NKAIN3: variants seen among roughly 807,000 people sequenced by gnomAD.
NKAIN3 encodes sodium/potassium-transporting ATPase subunit beta-1-interacting protein 3.
Under a neutral mutation model 30.2 loss-of-function variants are expected in NKAIN3, and 25 were observed. The ratio of observed to expected loss-of-function variants is 0.83; its 90% CI spans 0.60 to 1.16. The LOEUF is 1.16. NKAIN3 is among the 50% of genes most tolerant of loss of function. NKAIN3 has a pLI of 0.00. For missense variants in NKAIN3, 225 were observed against 254.1 expected (o/e 0.89, Z 0.78); for synonymous variants, 91 against 89.6 (o/e 1.02, Z -0.09).
Position 62,968,273 on chromosome 8 carries a change from C to T in NKAIN3, c.*2866C>T, listed in dbSNP as rs1823755884. Among the ~76,000 whole-genome samples, 1 of 152,094 alleles carries T rather than the reference C, an allele frequency of 6.6e-6. No homozygotes were observed. The highest frequency in any genetic ancestry group is 2.4e-5 in the African/African-American group (1 of 41,414). On this transcript the variant is annotated 3_prime_UTR_variant, in exon 7 of 7. Transcript: ENST00000623646. ...TGTACAGTAATACTTGGCAATTACC[C>T]GTTAATCTGGGTAATTCCAATGAAG...
rs545250007 is a variant in NKAIN3, at chr8:62,975,573, G to A, written c.*10166G>A. On this transcript the variant is annotated 3_prime_UTR_variant, in exon 7 of 7. Coordinates refer to ENST00000623646, the MANE Select transcript of NKAIN3 (RefSeq NM_001304533.3). ...CCCTCTTTTCTTCTTTATTAGCCTG[G>A]CTAGCCATCTAAGTATTTTGTTAAT... 2.0e-4 allele frequency among the ~76,000 whole-genome samples: 30 copies of A among 152,066 alleles called. No homozygotes were observed. Among genetic ancestry groups the A allele is most frequent in the African/African-American group, 7.0e-4 (29 of 41,490 alleles).
At chr8:62,400,492 A>G (rs1181464342) in intron 1 of NKAIN3, among the ~76,000 whole-genome samples, 1 of 151,984 alleles carries the variant, frequency 6.6e-6, no homozygotes. Flanking sequence ...TTTTCTAGAA[A>G]TCGGATGTTT....
At chr8:62,576,746 G>A (rs1810121420) in intron 1 of NKAIN3, among the ~76,000 whole-genome samples, 1 of 152,046 alleles carries the variant, frequency 6.6e-6, no homozygotes, top group African/African-American at 2.4e-5. Flanking sequence ...GATGCCTCCT[G>A]CCCCCTCAAC....
intron 3 of NKAIN3, among the ~76,000 whole-genome samples, chr8:62,604,309 C>T (rs1563479695): frequency 6.6e-6 from 1 of 152,082 alleles, no homozygotes; most frequent in Non-Finnish European, 1.5e-5. Flanking sequence ...CTTTGGAAGC[C>T]CTCAGCATTG....
chr8:62,402,477 T>A (rs1012236452), intron 1 of NKAIN3, among the ~76,000 whole-genome samples: 26 of 152,180 alleles, frequency 1.7e-4, no homozygotes, highest in African/African-American at 5.5e-4. Flanking sequence ...CCACATGTTG[T>A]GGGAGGGACC....
chr8:62,541,508 A>T (rs551850923), intron 1 of NKAIN3, among the ~76,000 whole-genome samples: 1 of 152,074 alleles, frequency 6.6e-6, no homozygotes, highest in South Asian at 2.1e-4. Flanking sequence ...ATTTTTCTGG[A>T]TGCTTGTTTG....
chr8:62,594,297 C>T (rs1220020074), intron 3 of NKAIN3, among the ~76,000 whole-genome samples: 1 of 151,950 alleles, frequency 6.6e-6, no homozygotes, highest in Non-Finnish European at 1.5e-5. Context: ...ACCTTATAGA[C>T]AAGAATTAAA....
intron 1 of NKAIN3, among the ~76,000 whole-genome samples, chr8:62,359,433 C>T (rs981221527): frequency 3.3e-5 from 5 of 152,160 alleles, no homozygotes; most frequent in Admixed American, 1.3e-4. Context: ...TCTACTAACA[C>T]GTTCTGATAC....
chr8:62,369,674 A>T (rs747037842), intron 1 of NKAIN3, among the ~76,000 whole-genome samples: 9 of 151,758 alleles, frequency 5.9e-5, no homozygotes, highest in Non-Finnish European at 1.3e-4. Context: ...ACTTTCTCTG[A>T]CTCCTGATGG....
At chr8:62,321,833 A>G (rs866531814) in intron 1 of NKAIN3, among the ~76,000 whole-genome samples, 1 of 152,262 alleles carries the variant, frequency 6.6e-6, no homozygotes, top group Middle Eastern at 3.4e-3. Flanking sequence ...GCGTGCTGGG[A>G]GAACCACTAC....
intron 1 of NKAIN3, among the ~76,000 whole-genome samples, chr8:62,278,072 C>T (rs148389592): frequency 3.3e-5 from 5 of 152,074 alleles, no homozygotes; most frequent in African/African-American, 1.2e-4. Flanking sequence ...AGGAACAAGG[C>T]GTTGATGTGG....
Position 62,537,428 on chromosome 8 carries a change from G to A in NKAIN3, c.55-42111G>A, listed in dbSNP as rs538261011. Among the ~76,000 whole-genome samples the A allele has an allele frequency of 1.9e-4, 29 of 152,264 alleles. No homozygotes were observed. In the South Asian group the frequency reaches 5.8e-3, roughly 30 times the overall value. On this transcript the variant is annotated intron_variant, in intron 1 of 6. Coordinates refer to ENST00000623646, the MANE Select transcript of NKAIN3 (RefSeq NM_001304533.3). ...TTCTTCATGGGGGCTGGAAGAGGAA[G>A]CCAATATAAGTTATTGGGGATCTAA...
chr8:62,975,405 TC>T lies in NKAIN3; in HGVS notation c.*10000del, dbSNP rs1393625259. ...GGTTAGTCATGGTAGGGTGAATGTG[TC>T]CAGGAATTTATCCATTTCTTCTAAA... On this transcript the variant is annotated 3_prime_UTR_variant, in exon 7 of 7. Transcript: ENST00000623646. 6.6e-6 allele frequency among the ~76,000 whole-genome samples: 1 copy of T among 152,178 alleles called. No individual in the cohort carries two copies. Among genetic ancestry groups the T allele is most frequent in the Non-Finnish European group, 1.5e-5 (1 of 68,042 alleles).
At chr8:62,496,742 G>A (rs1299852911) in intron 1 of NKAIN3, among the ~76,000 whole-genome samples, 2 of 152,240 alleles carry the variant, frequency 1.3e-5, no homozygotes, top group East Asian at 1.9e-4. Flanking sequence ...TCAAAAAAAT[G>A]GAGCTAAAAC....
At chr8:62,924,375 A>T (rs1430402667) in intron 5 of NKAIN3, among the ~76,000 whole-genome samples, 1 of 152,180 alleles carries the variant, frequency 6.6e-6, no homozygotes, top group Non-Finnish European at 1.5e-5. Context: ...CACAACTGTA[A>T]TTTTTTAAAG....
rs1176113549 is a variant in NKAIN3 at position 62,982,180 on chromosome 8, C to T, written c.*16773C>T. 6.6e-6 allele frequency: 1 copy of T among 152,188 alleles called. No homozygotes were observed. The highest frequency in any genetic ancestry group is 2.4e-5 in the African/African-American group (1 of 41,448). 9.4% of individuals were successfully genotyped at this position (152,188 alleles called of 1,614,324 possible). A position where few individuals can be genotyped will look rare whatever the true frequency, so the allele number is the denominator to read the frequency against. ...TCATTTGTATTATGATGATTTCAGACTATCAATTTAAAAATTCATTAGTAT... is the reference window on the plus strand; with the variant it reads ...TCATTTGTATTATGATGATTTCAGATTATCAATTTAAAAATTCATTAGTAT... On this transcript the variant is annotated 3_prime_UTR_variant, in exon 7 of 7. Coordinates refer to ENST00000623646, the MANE Select transcript of NKAIN3 (RefSeq NM_001304533.3).
intron 1 of NKAIN3, among the ~76,000 whole-genome samples, chr8:62,393,499 G>A (rs1817636938): frequency 6.6e-6 from 1 of 151,796 alleles, no homozygotes; most frequent in Admixed American, 6.6e-5. Flanking sequence ...TCCTTAGAGT[G>A]CTTTTATTGT....
At chr8:62,788,538 A>G (rs1182802951) in intron 4 of NKAIN3, among the ~76,000 whole-genome samples, 2 of 152,130 alleles carry the variant, frequency 1.3e-5, no homozygotes, top group East Asian at 1.9e-4. Context: ...GTTTAGTTTA[A>G]TTAGATTCCG....
intron 1 of NKAIN3, among the ~76,000 whole-genome samples, chr8:62,518,733 CA>C (rs916689590): frequency 1.3e-5 from 2 of 151,900 alleles, no homozygotes; most frequent in Non-Finnish European, 2.9e-5. Context: ...AAAGGTGAGA[CA>C]AAAAAACGAA....
Sources: gnomAD v4.1 joint callset for allele counts (sites outside exome capture counted in the v4.1 genomes callset) on GRCh38, gnomAD v4.1.1 for gene constraint, MANE v1.5 for transcripts, NCBI Gene and HGNC (gene_info 2026-07-23, HGNC 2026-07-21) for gene names.